CDH18: variants seen among roughly 807,000 people sequenced by gnomAD.
CDH18 encodes the protein cadherin 18.
Under a neutral mutation model 67.9 loss-of-function variants are expected in CDH18, and 31 were observed. The ratio of observed to expected loss-of-function variants is 0.46; its 90% confidence interval spans 0.34 to 0.62. The LOEUF (loss-of-function observed/expected upper bound fraction) is 0.62, where lower values mean the gene tolerates loss of function less well. Among genes scored for constraint, CDH18 ranks in the 20% least tolerant of loss-of-function variants. The pLI, the probability that CDH18 is intolerant of heterozygous loss-of-function variation, is 0.01. For synonymous variants in CDH18, 362 were observed against 347.2 expected, an observed-to-expected ratio of 1.04 and a Z score of -0.48; for missense variants, 890 against 975.5, an observed-to-expected ratio of 0.91 and a Z score of 1.17.
chr5:19,938,141 C>T (rs1332891873), intron 2 of CDH18, among the ~76,000 whole-genome samples: 10 of 150,110 alleles, frequency 6.7e-5, no homozygotes, highest in African/African-American at 2.4e-4. Flanking sequence ...AGGGTGTATA[C>T]TGTGAAGCAG....
intron 2 of CDH18, among the ~76,000 whole-genome samples, chr5:20,038,285 G>A (rs1373623464): frequency 6.6e-6 from 1 of 152,134 alleles, no homozygotes; most frequent in South Asian, 2.1e-4. Flanking sequence ...AGAGGAGCTG[G>A]TACCATTCCT....
intron 2 of CDH18, among the ~76,000 whole-genome samples, chr5:20,061,807 A>G (rs1033448910): frequency 3.3e-5 from 5 of 152,302 alleles, no homozygotes; most frequent in African/African-American, 9.6e-5. Flanking sequence ...AACAAAGTCT[A>G]CCTTTGAAAG....
chr5:20,053,795 A>T (rs1480429737), intron 2 of CDH18, among the ~76,000 whole-genome samples: 2 of 151,990 alleles, frequency 1.3e-5, no homozygotes, highest in Non-Finnish European at 2.9e-5. Context: ...CAAAACCACA[A>T]CAAAAGTGAT....
intron 2 of CDH18, among the ~76,000 whole-genome samples, chr5:19,868,440 A>G (rs1785844526): frequency 6.6e-6 from 1 of 152,180 alleles, no homozygotes; most frequent in Admixed American, 6.5e-5. Context: ...GTCCTCAGAG[A>G]GATGCATACT....
intron 4 of CDH18, among the ~76,000 whole-genome samples, chr5:19,722,766 C>T (rs1766275611): frequency 6.6e-6 from 1 of 151,708 alleles, no homozygotes. Flanking sequence ...AAAATTCTAC[C>T]TACTAATTTG....
chr5:20,509,702 A>T lies in CDH18; in HGVS notation c.-580+65760T>A, dbSNP rs989115969. ...CTAAAGTGCTGGGATTACAGGCATG[A>T]GCCATCATGCCCAGCCGATTTTCTT... On this transcript the variant is annotated intron_variant, in intron 1 of 14. Transcript: ENST00000507958. Among the ~76,000 whole-genome samples the T allele has an allele frequency of 9.4e-5, 6 of 63,582 alleles. 1 individual carries two copies. The South Asian group carries it at 3.3e-3, about 35-fold the overall frequency. The allele number at this position is 63,582 out of a possible 152,430, so 41.7% of individuals were successfully genotyped here. A position where few individuals can be genotyped will look rare whatever the true frequency, so the allele number is the denominator to read the frequency against.
At chr5:19,549,408 G>T (rs1166765898) in intron 8 of CDH18, among the ~76,000 whole-genome samples, 1 of 152,112 alleles carries the variant, frequency 6.6e-6, no homozygotes, top group Non-Finnish European at 1.5e-5. Flanking sequence ...TGCACACTCT[G>T]CAGAATCATG....
At chr5:20,497,948 A>G (rs1383450376) in intron 1 of CDH18, among the ~76,000 whole-genome samples, 1 of 152,106 alleles carries the variant, frequency 6.6e-6, no homozygotes, top group African/African-American at 2.4e-5. Context: ...TAGTGTCCTT[A>G]TAAAAGAAGT....
At chr5:19,719,201 T>A (rs1477578575) in intron 5 of CDH18, among the ~76,000 whole-genome samples, 2 of 152,046 alleles carry the variant, frequency 1.3e-5, no homozygotes, top group African/African-American at 4.8e-5. Flanking sequence ...GCTGTTTATA[T>A]CACAGCGATA....
At chr5:19,561,518 G>A (rs1280128941) in intron 8 of CDH18, among the ~76,000 whole-genome samples, 1 of 152,110 alleles carries the variant, frequency 6.6e-6, no homozygotes, top group Non-Finnish European at 1.5e-5. Flanking sequence ...GAAAGGGTGT[G>A]AGGGTGAGGA....
At chr5:19,880,812 C>A (rs1280942236) in intron 2 of CDH18, among the ~76,000 whole-genome samples, 1 of 152,110 alleles carries the variant, frequency 6.6e-6, no homozygotes, top group Non-Finnish European at 1.5e-5. Context: ...CATAGAGAAA[C>A]ACTAAAAATC....
intron 3 of CDH18, among the ~76,000 whole-genome samples, chr5:19,834,346 G>C (rs1041212530): frequency 2.0e-5 from 3 of 151,812 alleles, no homozygotes; most frequent in Non-Finnish European, 2.9e-5. Context: ...ATGGTAGTTT[G>C]TATTTCTGTG....
chr5:19,629,344 G>A lies in CDH18; in HGVS notation c.644-16743C>T, dbSNP rs1042986551. The stretch of plus-strand genomic sequence containing the variant: ...GCTTAAGAGAGGTATCTATGTGAAA[G>A]TCTGATGGAAAGTTGAACACCTGAC... On this transcript the variant is annotated intron_variant, in intron 5 of 12. Transcript: ENST00000382275. Among the ~76,000 whole-genome samples the A allele has an allele frequency of 3.9e-5, 6 of 152,246 alleles. No homozygotes were observed. The East Asian group carries it at 9.7e-4, about 25-fold the overall frequency.
chr5:19,534,331 G>T (rs1749092547), intron 9 of CDH18, among the ~76,000 whole-genome samples: 1 of 151,708 alleles, frequency 6.6e-6, no homozygotes, highest in Non-Finnish European at 1.5e-5. Flanking sequence ...ATTTTTAATG[G>T]CTATGTAAAA....
intron 1 of CDH18, among the ~76,000 whole-genome samples, chr5:20,468,720 CAA>C (rs1404835615): frequency 6.6e-6 from 1 of 152,074 alleles, no homozygotes; most frequent in East Asian, 1.9e-4. Flanking sequence ...CTAAATATGT[CAA>C]AGTTAGATGA....
intron 2 of CDH18, among the ~76,000 whole-genome samples, chr5:20,020,415 C>A (rs1738303622): frequency 6.6e-6 from 1 of 151,970 alleles, no homozygotes; most frequent in Non-Finnish European, 1.5e-5. Flanking sequence ...ATTTCAGAGA[C>A]CTTCATGGCA....
At chr5:19,855,053 G>A (rs1290830048) in intron 2 of CDH18, among the ~76,000 whole-genome samples, 3 of 151,738 alleles carry the variant, frequency 2.0e-5, no homozygotes, top group Admixed American at 1.3e-4. Flanking sequence ...TCCCACTCAT[G>A]CTGTTGCAAA....
chr5:20,432,118 C>G (rs1748792036), intron 1 of CDH18, among the ~76,000 whole-genome samples: 2 of 152,058 alleles, frequency 1.3e-5, no homozygotes, highest in South Asian at 4.2e-4. Flanking sequence ...ATATACTGTT[C>G]TGAAATAAAT....
intron 2 of CDH18, among the ~76,000 whole-genome samples, chr5:20,095,331 GA>G (rs1561785877): frequency 4.3e-5 from 5 of 116,666 alleles, no homozygotes; most frequent in Admixed American, 9.3e-5. Context: ...AAGAAAGAAA[GA>G]AAGAAAGAAA....
Sources: gnomAD v4.1 joint callset for allele counts (sites outside exome capture counted in the v4.1 genomes callset) on GRCh38, gnomAD v4.1.1 for gene constraint, MANE v1.5 for transcripts, NCBI Gene and HGNC (gene_info 2026-07-23, HGNC 2026-07-21) for gene names.